BTBD9: variants seen among roughly 807,000 people sequenced by gnomAD.
BTBD9 encodes the protein BTB/POZ domain-containing protein 9.
BTBD9 carries 49 observed loss-of-function variants against 64.3 expected under a neutral mutation model. The observed-to-expected ratio is 0.76, with a 90% confidence interval of 0.61 to 0.97. The LOEUF is 0.97. Ranked by LOEUF, BTBD9 falls within the 50% of genes least tolerant of loss-of-function variation. The pLI is 0.00. For missense variants in BTBD9, 598 were observed against 762.1 expected (o/e 0.78, Z 2.53); for synonymous variants, 260 against 274.7 (o/e 0.95, Z 0.53).
intron 9 of BTBD9, among the ~76,000 whole-genome samples, chr6:38,232,364 G>T (rs868488084): frequency 1.3e-5 from 2 of 151,622 alleles, no homozygotes; most frequent in Non-Finnish European, 2.9e-5. Context: ...TCTGCCTCCC[G>T]GGTTCACGCC....
chr6:38,179,764 C>T (rs746647760), intron 10 of BTBD9: 21 of 456,616 alleles, frequency 4.6e-5, no homozygotes, highest in South Asian at 2.2e-4. Context: ...TCTACCAGCA[C>T]GGGATCAGTA....
chr6:38,569,809 T>C (rs1174082216), intron 6 of BTBD9, among the ~76,000 whole-genome samples: 1 of 152,074 alleles, frequency 6.6e-6, no homozygotes, highest in African/African-American at 2.4e-5. Context: ...CTATTGTTGT[T>C]GTGTTTTCCC....
intron 9 of BTBD9, among the ~76,000 whole-genome samples, chr6:38,229,534 C>T (rs534246711): frequency 7.2e-5 from 11 of 152,228 alleles, no homozygotes; most frequent in Admixed American, 2.6e-4. Context: ...GGTGCCCAGG[C>T]GTGTCTTGAC....
intron 7 of BTBD9, among the ~76,000 whole-genome samples, chr6:38,334,417 A>G (rs1024051747): frequency 6.6e-6 from 1 of 151,988 alleles, no homozygotes; most frequent in Non-Finnish European, 1.5e-5. Flanking sequence ...AAAATTAGCC[A>G]GGCGTGGTGG....
At chr6:38,595,015 CTG>C (rs1378995511) in intron 2 of BTBD9, among the ~76,000 whole-genome samples, 1 of 152,150 alleles carries the variant, frequency 6.6e-6, no homozygotes, top group Non-Finnish European at 1.5e-5. Context: ...GTTAAAAAAA[CTG>C]TGATATACGC....
At chr6:38,500,016 A>G (rs1439848955) in intron 6 of BTBD9, among the ~76,000 whole-genome samples, 3 of 152,170 alleles carry the variant, frequency 2.0e-5, no homozygotes, top group Non-Finnish European at 4.4e-5. Flanking sequence ...TTTCAAATCA[A>G]TATTTAAAAG....
chr6:38,444,418 T>C (rs1326036932), intron 6 of BTBD9, among the ~76,000 whole-genome samples: 1 of 152,222 alleles, frequency 6.6e-6, no homozygotes, highest in Admixed American at 6.5e-5. Flanking sequence ...GATACTTCAA[T>C]TCTCTTCCTC....
intron 6 of BTBD9, among the ~76,000 whole-genome samples, chr6:38,358,647 T>A (rs1241055791): frequency 6.6e-6 from 1 of 152,186 alleles, no homozygotes; most frequent in South Asian, 2.1e-4. Context: ...TCCATTTTAC[T>A]GCTTACTCCA....
intron 6 of BTBD9, among the ~76,000 whole-genome samples, chr6:38,551,686 T>C (rs1774807396): frequency 6.6e-6 from 1 of 152,182 alleles, no homozygotes; most frequent in African/African-American, 2.4e-5. Flanking sequence ...CCTGAACCAA[T>C]ACACTATATT....
intron 9 of BTBD9, among the ~76,000 whole-genome samples, chr6:38,243,297 T>C (rs912817992): frequency 2.0e-5 from 3 of 152,070 alleles, no homozygotes; most frequent in African/African-American, 4.8e-5. Flanking sequence ...AAAAATGAGA[T>C]GTTTAGGGAG....
intron 8 of BTBD9, among the ~76,000 whole-genome samples, chr6:38,274,920 T>C (rs1241204812): frequency 1.3e-5 from 2 of 152,166 alleles, no homozygotes; most frequent in Non-Finnish European, 2.9e-5. Context: ...GATTCCCTCT[T>C]TTTCTATTGA....
At chr6:38,207,408 G>A (rs1268640650) in intron 9 of BTBD9, 1 of 169,350 alleles carries the variant, frequency 5.9e-6, no homozygotes, top group Non-Finnish European at 1.3e-5. Context: ...GACTGCTGGA[G>A]CCCAGGAGTT....
At chr6:38,281,031 T>C (rs114536258) in intron 8 of BTBD9, among the ~76,000 whole-genome samples, 72 of 152,320 alleles carry the variant, frequency 4.7e-4, no homozygotes, top group Admixed American at 1.4e-3. Flanking sequence ...CTACTAGAGA[T>C]TGAGTGCAGC....
At chr6:38,366,379 T>C (rs1765183912) in intron 6 of BTBD9, among the ~76,000 whole-genome samples, 1 of 152,222 alleles carries the variant, frequency 6.6e-6, no homozygotes, top group South Asian at 2.1e-4. Flanking sequence ...AGATTAATTC[T>C]GACAGCTATC....
At chr6:38,216,146 A>G (rs796070599) in intron 9 of BTBD9, among the ~76,000 whole-genome samples, 23 of 152,344 alleles carry the variant, frequency 1.5e-4, no homozygotes, top group African/African-American at 5.1e-4. Flanking sequence ...AACACACTCA[A>G]TTAAGAATGC....
At chr6:38,529,000 G>A (rs1773650617) in intron 6 of BTBD9, among the ~76,000 whole-genome samples, 1 of 152,188 alleles carries the variant, frequency 6.6e-6, no homozygotes, top group Admixed American at 6.5e-5. Context: ...CCCAGTTCTA[G>A]GCCTTGACTC....
intron 1 of BTBD9, among the ~76,000 whole-genome samples, chr6:38,639,341 T>C (rs967199034): frequency 3.5e-4 from 54 of 152,202 alleles, no homozygotes; most frequent in African/African-American, 1.2e-3. Context: ...TTCACAACTC[T>C]CTCCATAACA....
intron 4 of BTBD9, among the ~76,000 whole-genome samples, chr6:38,591,304 T>C (rs1448501862): frequency 6.6e-6 from 1 of 152,218 alleles, no homozygotes; most frequent in Non-Finnish European, 1.5e-5. Flanking sequence ...ATTAACCTCA[T>C]GATTCTTCCC....
At chr6:38,463,598 A>G (rs188088900) in intron 6 of BTBD9, among the ~76,000 whole-genome samples, 218 of 152,324 alleles carry the variant, frequency 1.4e-3, no homozygotes, top group African/African-American at 5.1e-3. Context: ...ATTTTACAAA[A>G]TTCTGCCTTT....
Sources: gnomAD v4.1 joint callset for allele counts (sites outside exome capture counted in the v4.1 genomes callset) on GRCh38, gnomAD v4.1.1 for gene constraint, MANE v1.5 for transcripts, NCBI Gene and HGNC (gene_info 2026-07-23, HGNC 2026-07-21) for gene names.